The following PAPPA variants were observed in gnomAD, a reference collection of about 807,000 sequenced individuals.
The protein encoded by PAPPA is pappalysin 1, also known as pappalysin-1.
In PAPPA, 60 loss-of-function variants were observed where a neutral mutation model predicts 164.0. That is an observed-to-expected ratio of 0.37 (90% CI 0.30 to 0.45). PAPPA has a LOEUF of 0.45. Ranked by LOEUF, PAPPA falls within the 20% of genes least tolerant of loss-of-function variation. The pLI is 1.00. For missense variants in PAPPA, 1,782 were observed against 2,087.3 expected (o/e 0.85, Z 2.85); for synonymous variants, 875 against 814.1 (o/e 1.07, Z -1.27).
intron 13 of PAPPA, among the ~76,000 whole-genome samples, chr9:116,340,379 C>G (rs1846120799): frequency 6.6e-6 from 1 of 152,214 alleles, no homozygotes; most frequent in African/African-American, 2.4e-5. Flanking sequence ...GAAAAAAGAG[C>G]AGGGACTTAG....
intron 18 of PAPPA, among the ~76,000 whole-genome samples, chr9:116,365,184 A>G (rs540094753): frequency 6.6e-6 from 1 of 152,208 alleles, no homozygotes; most frequent in African/African-American, 2.4e-5. Flanking sequence ...AGCAGGGGTG[A>G]GATATGTGTC....
chr9:116,154,252 G>C lies in PAPPA; in HGVS notation c.80G>C (p.Arg27Pro), dbSNP rs773763901. 2.7e-5 allele frequency: 34 copies of C among 1,271,384 alleles called. No homozygotes were observed. The highest frequency in any genetic ancestry group is 3.3e-5 in the Non-Finnish European group (33 of 1,002,050). 78.8% of individuals were successfully genotyped at this position (1,271,384 alleles called of 1,614,324 possible). A position where few individuals can be genotyped will look rare whatever the true frequency, so the allele number is the denominator to read the frequency against. The change falls in exon 1 of 22, where the codon CGG becomes CCG. Residue 27 changes from arginine to proline, a missense_variant. Transcript: ENST00000328252. This position sits in a 1 kb window ranked among gnomAD's most constrained non-coding sequence, Gnocchi z 5.2. ...TGCGGGCTGGCCGAGCGTCCCCGCC[G>C]GGCCCGGAGAGACCCGCGGGCCGGC... ...LGCGLAERPR[R>P]ARRDPRAGRP...
chr9:116,290,783 T>G (rs1053901471), intron 9 of PAPPA, among the ~76,000 whole-genome samples: 3 of 152,118 alleles, frequency 2.0e-5, no homozygotes, highest in South Asian at 2.1e-4. Flanking sequence ...ATTACCCTCT[T>G]TCTTTGCCAC....
intron 6 of PAPPA, among the ~76,000 whole-genome samples, chr9:116,232,832 C>T (rs1313492748): frequency 1.3e-5 from 2 of 152,210 alleles, no homozygotes; most frequent in East Asian, 1.9e-4. Context: ...CTTGCTTGAG[C>T]ATAATGACCA....
chr9:116,192,317 G>T (rs1844052725), intron 2 of PAPPA, among the ~76,000 whole-genome samples: 1 of 152,168 alleles, frequency 6.6e-6, no homozygotes, highest in South Asian at 2.1e-4. Context: ...GCAGTGGAGA[G>T]GGTGAGGAGT....
chr9:116,257,143 A>T (rs1587974985), intron 7 of PAPPA, among the ~76,000 whole-genome samples: 1 of 152,042 alleles, frequency 6.6e-6, no homozygotes, highest in Non-Finnish European at 1.5e-5. Context: ...ATGTATTAAA[A>T]ACCACATATA....
intron 7 of PAPPA, among the ~76,000 whole-genome samples, chr9:116,252,546 G>A (rs1485205548): frequency 6.6e-6 from 1 of 152,200 alleles, no homozygotes; most frequent in Non-Finnish European, 1.5e-5. Context: ...GAGGGAAGAT[G>A]GGTGTGGTGG....
At chr9:116,353,478 C>T (rs1423810835) in intron 16 of PAPPA, 144 bp from the exon 17 acceptor site, 32 of 676,096 alleles carry the variant, frequency 4.7e-5, no homozygotes, top group Admixed American at 2.0e-4. Context: ...AATTCCTGCA[C>T]GGGTCCCACC....
At chr9:116,240,588 C>T (rs1257355267) in intron 7 of PAPPA, among the ~76,000 whole-genome samples, 3 of 152,142 alleles carry the variant, frequency 2.0e-5, no homozygotes, top group African/African-American at 4.8e-5. Flanking sequence ...ATGTAGTAAG[C>T]TTGTACTATG....
intron 21 of PAPPA, among the ~76,000 whole-genome samples, chr9:116,384,270 T>TTAATAATAA (rs3040228): frequency 0.15 from 21,391 of 138,058 alleles, 2,051 homozygotes; most frequent in African/African-American, 0.25. Flanking sequence ...CTACACGTAA[T>TTAATAATAA]TAATAATAAT....
intron 10 of PAPPA, among the ~76,000 whole-genome samples, chr9:116,322,608 T>C (rs1223042207): frequency 6.6e-6 from 1 of 152,130 alleles, no homozygotes; most frequent in Non-Finnish European, 1.5e-5. Context: ...CCCAGCAGGC[T>C]TTCCCTCCTG....
At chr9:116,285,657 G>A (rs1245362904) in intron 9 of PAPPA, among the ~76,000 whole-genome samples, 1 of 152,098 alleles carries the variant, frequency 6.6e-6, no homozygotes, top group Non-Finnish European at 1.5e-5. Flanking sequence ...TACCTCATGA[G>A]GGTCAGAATC....
intron 7 of PAPPA, among the ~76,000 whole-genome samples, chr9:116,237,916 T>C (rs423004): frequency 1 from 151,862 of 152,096 alleles, 75,814 homozygotes; most frequent in Middle Eastern, 1. Flanking sequence ...GACGGGGTTT[T>C]GCCAGGTTGG....
chr9:116,288,504 C>T (rs1485592281), intron 9 of PAPPA: 1 of 140,132 alleles, frequency 7.1e-6, no homozygotes, highest in Non-Finnish European at 1.5e-5. Flanking sequence ...CCTTCTCTCA[C>T]TGCTTTCCCT....
chr9:116,249,410 C>A (rs1844833740), intron 7 of PAPPA, among the ~76,000 whole-genome samples: 1 of 152,044 alleles, frequency 6.6e-6, no homozygotes, highest in Non-Finnish European at 1.5e-5. Flanking sequence ...GGGGTTAGAT[C>A]ATGATGATCC....
intron 15 of PAPPA, among the ~76,000 whole-genome samples, chr9:116,348,063 T>G (rs989902352): frequency 2.6e-5 from 4 of 152,176 alleles, no homozygotes; most frequent in African/African-American, 9.7e-5. Flanking sequence ...CACTGCCAAC[T>G]GTTGTTGGGG....
At chr9:116,184,950 A>G (rs1843952157) in intron 1 of PAPPA, among the ~76,000 whole-genome samples, 1 of 152,210 alleles carries the variant, frequency 6.6e-6, no homozygotes, top group African/African-American at 2.4e-5. Context: ...AGTTCGGCAG[A>G]GAGGGGATAA....
intron 7 of PAPPA, among the ~76,000 whole-genome samples, chr9:116,247,093 C>T (rs1212133122): frequency 6.6e-6 from 1 of 152,126 alleles, no homozygotes; most frequent in Non-Finnish European, 1.5e-5. Context: ...GGGTCTTGAT[C>T]ATCCAGCTGC....
chr9:116,298,200 G>A (rs1488166954), intron 9 of PAPPA, among the ~76,000 whole-genome samples: 1 of 152,214 alleles, frequency 6.6e-6, no homozygotes, highest in Non-Finnish European at 1.5e-5. Flanking sequence ...TCAGGGACAT[G>A]GCATTTCACC....
Sources: gnomAD v4.1 joint callset for allele counts (sites outside exome capture counted in the v4.1 genomes callset) on GRCh38, gnomAD v4.1.1 for gene constraint, Gnocchi (gnomAD v3.1) non-coding constraint, MANE v1.5 for transcripts, NCBI Gene and HGNC (gene_info 2026-07-23, HGNC 2026-07-21) for gene names.